CYP2F1: variants seen among roughly 807,000 people sequenced by gnomAD.
The protein encoded by CYP2F1 is cytochrome P450 2F1.
In CYP2F1, 33 loss-of-function variants were observed where a neutral mutation model predicts 40.4. The ratio of observed to expected loss-of-function variants is 0.82; its 90% confidence interval spans 0.62 to 1.09. CYP2F1 has a LOEUF of 1.09. Among genes scored for constraint, CYP2F1 ranks in the 50% least tolerant of loss-of-function variants. CYP2F1 has a pLI of 0.00. For synonymous variants in CYP2F1, 235 were observed against 277.2 expected, an observed-to-expected ratio of 0.85 and a Z score of 1.51; for missense variants, 566 against 655.7, an observed-to-expected ratio of 0.86 and a Z score of 1.49.
In CYP2F1 at chr19:41,116,224, C is replaced by T. The variant is rs113827709; in HGVS notation, c.36C>T (p.Leu12=). The change falls in exon 2 of 10, where the codon CTC becomes CTT. Residue 12 remains leucine, a synonymous_variant. Transcript: ENST00000331105. ...TAAGCACAGCCATCTTACTCCTGCT[C>T]CTGGCTCTCGTCTGTCTGCTCCTGA... The part of the protein sequence containing the change: ...DSISTAILLL[L]LALVCLLLTL... 96 of 1,614,028 alleles carry T rather than the reference C, an allele frequency of 5.9e-5. No homozygotes were observed. The African/African-American group carries it at 8.3e-4, about 14-fold the overall frequency.
Position 41,122,034 on chromosome 19 carries a change from G to A in CYP2F1, c.723G>A (p.Leu241=). 6.2e-7 allele frequency: 1 copy of A among 1,612,758 alleles called. No homozygotes were observed. Among genetic ancestry groups the A allele is most frequent in the Non-Finnish European group, 8.5e-7 (1 of 1,179,666 alleles). The change falls in exon 6 of 10, where the codon CTG becomes CTA. Residue 241 remains leucine (L), a synonymous_variant. Transcript: ENST00000331105. Reference sequence around the variant, plus strand: ...GCATCTTCCAGAACTTCAAGTGCCTGAGAGACCTCATCGCCCACAGCGTCC... The same window carrying A: ...GCATCTTCCAGAACTTCAAGTGCCTAAGAGACCTCATCGCCCACAGCGTCC... ...HQRIFQNFKC[L]RDLIAHSVHD...
intron 3 of CYP2F1, among the ~76,000 whole-genome samples, chr19:41,119,723 C>CTCTCTATA (rs1478574507): frequency 6.7e-4 from 24 of 35,770 alleles, no homozygotes; most frequent in Admixed American, 1.7e-3. Context: ...CTCTCTCTCT[C>CTCTCTATA]TATATATATA....
chr19:41,122,748 A>C (rs902857421), intron 6 of CYP2F1, 74 bp from the exon 7 acceptor site: 41 of 1,424,494 alleles, frequency 2.9e-5, no homozygotes, highest in Non-Finnish European at 3.4e-5. Context: ...ATGGGCCCCC[A>C]GCAGCAGTTG....
intron 9 of CYP2F1, among the ~76,000 whole-genome samples, chr19:41,126,033 T>A (rs561713354): frequency 6.6e-6 from 1 of 152,016 alleles, no homozygotes; most frequent in African/African-American, 2.4e-5. Context: ...CTCTGGAGGC[T>A]GAGACAGGAA....
At chr19:41,123,371 C>T (rs758683556) in intron 7 of CYP2F1, 3 of 352,052 alleles carry the variant, frequency 8.5e-6, no homozygotes, top group Non-Finnish European at 1.7e-5. Flanking sequence ...GATTACACCA[C>T]CACATCCAGC....
chr19:41,120,608 A>G, intron 4 of CYP2F1, 112 bp downstream of exon 4: 4 of 1,166,902 alleles, frequency 3.4e-6, no homozygotes, highest in Non-Finnish European at 5.0e-6. Flanking sequence ...CAACCTCCCG[A>G]ATAGCTGGTA....
chr19:41,122,478 G>T (rs916563020), intron 6 of CYP2F1, among the ~76,000 whole-genome samples: 1 of 151,502 alleles, frequency 6.6e-6, no homozygotes, highest in South Asian at 2.1e-4. Flanking sequence ...CAACACATAC[G>T]TACACACATA....
Position 41,128,069 on chromosome 19 carries a change from T to G in CYP2F1, c.1463T>G (p.Leu488Arg). 2 of 1,605,404 alleles carry G rather than the reference T, an allele frequency of 1.2e-6. No homozygotes were observed. Among genetic ancestry groups the G allele is most frequent in the Non-Finnish European group, 1.7e-6 (2 of 1,175,996 alleles). ...GNLPRPFQLC[L>R]RPR is the part of the protein sequence containing the mutation. ...TTGCCGCGGCCTTTCCAGCTGTGCC[T>G]GCGCCCGCGCTAACGCCCCGGCCCT... The change falls in exon 10 of 10, where the codon CTG becomes CGG. Residue 488 changes from leucine to arginine, a missense_variant. Leu to Arg is a moderately radical substitution (Grantham distance 102). Around this residue, in one of 5 missense-constraint regions of CYP2F1, gnomAD observed 85 missense variants for 84.9 expected, o/e 1.00. Transcript: ENST00000331105.
intron 7 of CYP2F1, among the ~76,000 whole-genome samples, chr19:41,123,975 GC>G (rs1284200289): frequency 6.6e-6 from 1 of 151,982 alleles, no homozygotes; most frequent in Non-Finnish European, 1.5e-5. Context: ...AGCTCTGTCT[GC>G]TGCTCCACCT....
At chr19:41,126,197 G>A (rs547824656) in intron 9 of CYP2F1, among the ~76,000 whole-genome samples, 50 of 151,988 alleles carry the variant, frequency 3.3e-4, no homozygotes, top group East Asian at 5.8e-4. Context: ...AGATCTAGGC[G>A]GGCAGATTAC....
At position 41,128,142 on chromosome 19, in the gene CYP2F1, G is replaced by C. The variant is rs2032620445; in HGVS notation, c.*60G>C. On this transcript the variant is annotated 3_prime_UTR_variant, in exon 10 of 10. Coordinates refer to ENST00000331105, the MANE Select transcript of CYP2F1 (RefSeq NM_000774.5). ...GAGGCCCGCCCATGCGGGTTGCTAC[G>C]TCCCCTTCTTGGTCCACAGTCTGCC... 31 of 1,518,184 alleles carry C rather than the reference G, an allele frequency of 2.0e-5. 1 individual carries two copies. The highest frequency in any genetic ancestry group is 1.8e-6 in the Non-Finnish European group (2 of 1,123,968). 94.0% of individuals were successfully genotyped at this position (1,518,184 alleles called of 1,614,324 possible).
At chr19:41,115,501 C>T (rs1435610168) in intron 1 of CYP2F1, among the ~76,000 whole-genome samples, 1 of 152,030 alleles carries the variant, frequency 6.6e-6, no homozygotes, top group Non-Finnish European at 1.5e-5. Flanking sequence ...CTCTTTATCA[C>T]TGTCTCTGTA....
At chr19:41,124,659 G>C in intron 7 of CYP2F1, 60 bp from the exon 8 acceptor site, 1 of 1,486,612 alleles carries the variant, frequency 6.7e-7, no homozygotes, top group Non-Finnish European at 9.1e-7. Flanking sequence ...CCTCTTATCA[G>C]CCTGGTTGCC....
intron 8 of CYP2F1, 49 bp downstream of exon 8, chr19:41,124,955 G>T (rs368904004): frequency 2.2e-5 from 33 of 1,500,158 alleles, no homozygotes; most frequent in Non-Finnish European, 2.8e-5. Flanking sequence ...AGGAGGCATC[G>T]CAGGCTCTTG....
chr19:41,119,489 C>A (rs540538120), intron 3 of CYP2F1, among the ~76,000 whole-genome samples: 7 of 151,780 alleles, frequency 4.6e-5, no homozygotes, highest in Non-Finnish European at 1.0e-4. Context: ...TGGCTCATGC[C>A]TGTAATCCCA....
At chr19:41,126,259 C>G (rs899038722) in intron 9 of CYP2F1, among the ~76,000 whole-genome samples, 1 of 151,468 alleles carries the variant, frequency 6.6e-6, no homozygotes, top group African/African-American at 2.4e-5. Context: ...AACCCTGTCT[C>G]TACTAAAAAT....
At position 41,117,952 on chromosome 19, in the gene CYP2F1, C is replaced by T. The variant is rs2031922587; in HGVS notation, c.334+1335C>T. 2.0e-5 allele frequency among the ~76,000 whole-genome samples: 3 copies of T among 152,052 alleles called. No individual in the cohort carries two copies. The South Asian group carries it at 6.2e-4, about 32-fold the overall frequency. ...GCAATCTCCGCCTCCCAGGTTGATG[C>T]CATTCTCCTGCCTCAGCCTCCTGAG... is the stretch of plus-strand genomic sequence containing the variant. On this transcript the variant is annotated intron_variant, in intron 3 of 9. Transcript: ENST00000331105.
intron 3 of CYP2F1, among the ~76,000 whole-genome samples, chr19:41,117,047 A>C (rs2031859468): frequency 1.3e-5 from 2 of 151,826 alleles, no homozygotes. Flanking sequence ...ATCTCAATCC[A>C]ACCTTCATTC....
Position 41,120,414 on chromosome 19 carries a change from T to C in CYP2F1, c.402T>C (p.Asn134=). Residue 134 remains asparagine (N), a synonymous_variant, in exon 4 of 10, where the codon AAT becomes AAC. Coordinates refer to ENST00000331105, the MANE Select transcript of CYP2F1 (RefSeq NM_000774.5). ...AGTTCTCTATCCAGATTCTACGGAA[T>C]TTCGGGATGGGGAAGAGAAGCATTG... ...LRQFSIQILR[N]FGMGKRSIEE... 1 of 1,614,086 alleles carries C rather than the reference T, an allele frequency of 6.2e-7. No individual in the cohort carries two copies. Among genetic ancestry groups the C allele is most frequent in the Non-Finnish European group, 8.5e-7 (1 of 1,179,970 alleles).
Sources: gnomAD v4.1 joint callset for allele counts (sites outside exome capture counted in the v4.1 genomes callset) on GRCh38, gnomAD v4.1.1 for gene constraint, gnomAD v4.1.1 regional missense constraint, MANE v1.5 for transcripts, NCBI Gene and HGNC (gene_info 2026-07-23, HGNC 2026-07-21) for gene names.